The following SOX6 variants were observed in gnomAD, a reference collection of about 807,000 sequenced individuals.
SOX6 encodes transcription factor SOX-6.
A neutral mutation model predicts 97.8 loss-of-function variants in SOX6; 11 were observed. The ratio of observed to expected loss-of-function variants is 0.11; its 90% CI spans 0.07 to 0.19. SOX6 has a LOEUF of 0.19. Ranked by LOEUF, SOX6 falls within the 10% of genes least tolerant of loss-of-function variation. SOX6 has a pLI of 1.00. For missense variants in SOX6, 810 were observed against 1,039.5 expected (o/e 0.78, Z 3.04); for synonymous variants, 360 against 371.4 (o/e 0.97, Z 0.35).
At chr11:16,040,706 T>C (rs1855638702) in intron 12 of SOX6, among the ~76,000 whole-genome samples, 1 of 152,020 alleles carries the variant, frequency 6.6e-6, no homozygotes. Context: ...AAAATTGCGC[T>C]ATCAATCTCA....
intron 4 of SOX6, among the ~76,000 whole-genome samples, chr11:16,584,847 G>A (rs1027700131): frequency 6.6e-6 from 1 of 152,146 alleles, no homozygotes; most frequent in Admixed American, 6.5e-5. Flanking sequence ...GCCAAGCCAG[G>A]CTGCACCTAG....
At chr11:16,480,844 G>A (rs950605468), upstream of SOX6, among the ~76,000 whole-genome samples, 2 of 152,058 alleles carry the variant, frequency 1.3e-5, no homozygotes, top group Admixed American at 1.3e-4. Context: ...GATTAAAACT[G>A]AAGTCAAGAA....
chr11:15,986,702 G>A (rs919049966), intron 14 of SOX6, among the ~76,000 whole-genome samples: 1 of 152,094 alleles, frequency 6.6e-6, no homozygotes, highest in African/African-American at 2.4e-5. Context: ...CTACACCAAG[G>A]TCTTTCCCCA....
chr11:16,735,294 C>T (rs936774441), intron 2 of SOX6, among the ~76,000 whole-genome samples: 3 of 152,174 alleles, frequency 2.0e-5, no homozygotes, highest in African/African-American at 7.2e-5. Context: ...CAGGTTTCAG[C>T]ACACTGGACA....
At chr11:16,527,550 A>G (rs1248710341) in intron 4 of SOX6, among the ~76,000 whole-genome samples, 1 of 152,060 alleles carries the variant, frequency 6.6e-6, no homozygotes. Flanking sequence ...TTGCCATGTG[A>G]CTTCTTTTGC....
chr11:16,447,987 GTACAGT>G (rs1172740459), intron 1 of SOX6, among the ~76,000 whole-genome samples: 1 of 152,166 alleles, frequency 6.6e-6, no homozygotes, highest in Non-Finnish European at 1.5e-5. Context: ...ACAGAAATCT[GTACAGT>G]TCTTGTTCCC....
intron 4 of SOX6, among the ~76,000 whole-genome samples, chr11:16,503,858 C>T (rs1472235463): frequency 6.6e-6 from 1 of 151,970 alleles, no homozygotes; most frequent in Non-Finnish European, 1.5e-5. Flanking sequence ...TCCTGGCTAA[C>T]AAGGTGAAAC....
At chr11:16,145,989 T>A (rs1207142490) in intron 6 of SOX6, among the ~76,000 whole-genome samples, 1 of 152,096 alleles carries the variant, frequency 6.6e-6, no homozygotes, top group African/African-American at 2.4e-5. Flanking sequence ...TTCACAGAAT[T>A]GGAAAAAACT....
intron 4 of SOX6, among the ~76,000 whole-genome samples, chr11:16,512,650 T>C (rs1037539286): frequency 2.0e-5 from 3 of 152,184 alleles, no homozygotes; most frequent in Non-Finnish European, 4.4e-5. Context: ...ATCCCAACCA[T>C]GTAGTAAAGT....
At chr11:16,718,626 C>G (rs1848236199) in intron 2 of SOX6, among the ~76,000 whole-genome samples, 1 of 152,106 alleles carries the variant, frequency 6.6e-6, no homozygotes, top group African/African-American at 2.4e-5. Context: ...GTCTGAAACA[C>G]TGTATTCCAA....
At chr11:16,513,178 T>C (rs564144315) in intron 4 of SOX6, among the ~76,000 whole-genome samples, 1 of 152,360 alleles carries the variant, frequency 6.6e-6, no homozygotes, top group Admixed American at 6.5e-5. Flanking sequence ...CAACTGGCAG[T>C]AGTATGTGGT....
chr11:16,087,622 GA>G (rs918637893), intron 9 of SOX6, among the ~76,000 whole-genome samples: 31 of 149,796 alleles, frequency 2.1e-4, no homozygotes, highest in East Asian at 1.4e-3. Context: ...CAAAGTGAAG[GA>G]AAAAAAAACT....
At chr11:16,414,982 C>T (rs1301060483) in intron 1 of SOX6, among the ~76,000 whole-genome samples, 2 of 152,018 alleles carry the variant, frequency 1.3e-5, no homozygotes, top group Non-Finnish European at 2.9e-5. Flanking sequence ...GAATACTTTG[C>T]TAGTCATTAT....
At chr11:16,386,657 CT>C (rs2134418282) in intron 1 of SOX6, among the ~76,000 whole-genome samples, 1 of 152,194 alleles carries the variant, frequency 6.6e-6, no homozygotes, top group Admixed American at 6.5e-5. Flanking sequence ...CTCATAAATA[CT>C]GTTCCCTCTT....
chr11:16,723,192 G>A (rs1848279751), intron 2 of SOX6, among the ~76,000 whole-genome samples: 1 of 152,168 alleles, frequency 6.6e-6, no homozygotes, highest in Non-Finnish European at 1.5e-5. Flanking sequence ...GAATAGAGCT[G>A]AAGGCCATTA....
intron 4 of SOX6, among the ~76,000 whole-genome samples, chr11:16,187,966 C>A (rs1205678755): frequency 6.6e-6 from 1 of 152,068 alleles, no homozygotes; most frequent in East Asian, 1.9e-4. Context: ...CAAAGATTGC[C>A]AATTTTTGTG....
rs1294028121 is a variant in SOX6 at position 16,356,075 on chromosome 11, G to A, written c.-5+19C>T. Reference sequence around the variant, plus strand: ...ACAGCCAAGACCTGTGACAGCTAAAGGAAGCACAAATCACTCACATGAAGT... The same window carrying A: ...ACAGCCAAGACCTGTGACAGCTAAAAGAAGCACAAATCACTCACATGAAGT... On this transcript the variant is annotated intron_variant, in intron 1 of 15. Transcript: ENST00000683767. Among the ~76,000 whole-genome samples the A allele has an allele frequency of 3.9e-5, 6 of 151,962 alleles. No homozygotes were observed. Among genetic ancestry groups the A allele is most frequent in the Non-Finnish European group, 8.8e-5 (6 of 67,976 alleles).
intron 4 of SOX6, among the ~76,000 whole-genome samples, chr11:16,196,474 C>A (rs1376966862): frequency 1.3e-5 from 2 of 152,084 alleles, no homozygotes; most frequent in Non-Finnish European, 2.9e-5. Context: ...TATAATATTT[C>A]CTAAATATAC....
chr11:16,029,782 AT>A (rs1464787133), intron 12 of SOX6, among the ~76,000 whole-genome samples: 5 of 152,200 alleles, frequency 3.3e-5, no homozygotes, highest in Admixed American at 6.5e-5. Flanking sequence ...TCTCTGTAAA[AT>A]TTTTAATGGC....
Sources: gnomAD v4.1 joint callset for allele counts (sites outside exome capture counted in the v4.1 genomes callset) on GRCh38, gnomAD v4.1.1 for gene constraint, MANE v1.5 for transcripts, NCBI Gene and HGNC (gene_info 2026-07-23, HGNC 2026-07-21) for gene names.